Variants in GRIA4 observed in about 807,000 individuals in gnomAD.
GRIA4 encodes the protein glutamate ionotropic receptor AMPA type subunit 4, also known as glutamate receptor 4.
GRIA4 carries 34 observed loss-of-function variants against 104.0 expected under a neutral mutation model. The ratio of observed to expected loss-of-function variants is 0.33; its 90% CI spans 0.25 to 0.44. GRIA4 has a LOEUF of 0.44. Ranked by LOEUF, GRIA4 falls within the 20% of genes least tolerant of loss-of-function variation. GRIA4 has a pLI of 1.00. For synonymous variants in GRIA4, 386 were observed against 381.9 expected, an observed-to-expected ratio of 1.01 and a Z score of -0.13; for missense variants, 750 against 1,096.5, an observed-to-expected ratio of 0.68 and a Z score of 4.46.
chr11:105,814,004 A>G (rs1042972680), intron 4 of GRIA4, among the ~76,000 whole-genome samples: 1 of 152,164 alleles, frequency 6.6e-6, no homozygotes, highest in Admixed American at 6.5e-5. Context: ...GAACAACAAT[A>G]GCAACAACAA....
intron 4 of GRIA4, among the ~76,000 whole-genome samples, chr11:105,796,714 C>T (rs1460408674): frequency 6.6e-6 from 1 of 152,034 alleles, no homozygotes. Flanking sequence ...ATAAAGTGGC[C>T]CCTTAAGTAA....
At chr11:105,715,603 T>C (rs552589528) in intron 3 of GRIA4, among the ~76,000 whole-genome samples, 54 of 152,254 alleles carry the variant, frequency 3.5e-4, no homozygotes, top group Admixed American at 7.9e-4. Flanking sequence ...ATAGAATATA[T>C]TTGTGTATTA....
chr11:105,773,820 C>T (rs751237997), intron 4 of GRIA4, among the ~76,000 whole-genome samples: 6 of 147,844 alleles, frequency 4.1e-5, no homozygotes, highest in Admixed American at 6.8e-5. Flanking sequence ...AATCTATGGT[C>T]GATAACAAAT....
chr11:105,645,884 G>C lies in GRIA4; in HGVS notation c.247+33450G>C, dbSNP rs73636744. On this transcript the variant is annotated intron_variant, in intron 3 of 16. Transcript: ENST00000282499. ...ACAAGAAAGCTTATCTTGAACAAAAGTTCAATCTCTACATAGAAAGAGTTT... is the reference window on the plus strand; with the variant it reads ...ACAAGAAAGCTTATCTTGAACAAAACTTCAATCTCTACATAGAAAGAGTTT... Among the ~76,000 whole-genome samples the C allele has an allele frequency of 4.5e-3, 679 of 152,244 alleles. 6 individuals carry two copies. The highest frequency in any genetic ancestry group is 0.015 in the African/African-American group (644 of 41,558).
chr11:105,971,792 A>G lies in GRIA4; in HGVS notation c.2295-122A>G, dbSNP rs1363320588. The G allele has an allele frequency of 5.6e-5, 34 of 603,718 alleles. No homozygotes were observed. In the East Asian group the frequency reaches 1.1e-3, roughly 19 times the overall value. The allele number at this position is 603,718 out of a possible 1,614,324, so 37.4% of individuals were successfully genotyped here. ...CTGATTCTAAACCTGGGCCTACAGT[A>G]CAAGACATAGCACCTACTGTGGCCT... is the stretch of plus-strand genomic sequence containing the variant. On this transcript the variant is annotated intron_variant, in intron 14 of 16. Coordinates refer to ENST00000282499, the MANE Select transcript of GRIA4 (RefSeq NM_000829.4).
At chr11:105,762,226 G>A (rs1400946379) in intron 4 of GRIA4, among the ~76,000 whole-genome samples, 1 of 152,082 alleles carries the variant, frequency 6.6e-6, no homozygotes, top group Non-Finnish European at 1.5e-5. Flanking sequence ...GTTTCACCAT[G>A]TTGGCCAGGC....
intron 3 of GRIA4, among the ~76,000 whole-genome samples, chr11:105,663,781 A>G (rs971779284): frequency 1.3e-5 from 2 of 151,934 alleles, no homozygotes; most frequent in Non-Finnish European, 2.9e-5. Context: ...CGAAGATGAC[A>G]CTGAAGTCAA....
At position 105,981,161 on chromosome 11, in the gene GRIA4, T is replaced by C. The variant is rs941703275; in HGVS notation, c.*1422T>C. On this transcript the variant is annotated 3_prime_UTR_variant, in exon 17 of 17. Coordinates refer to ENST00000282499, the MANE Select transcript of GRIA4 (RefSeq NM_000829.4). ...ATGTTTATTTATAAAAATCACCTTA[T>C]GTATGAATTAAACTAACATGGTTCA... 6.6e-6 allele frequency: 1 copy of C among 152,654 alleles called. No individual in the cohort carries two copies. 9.5% of individuals were successfully genotyped at this position (152,654 alleles called of 1,614,324 possible).
intron 14 of GRIA4, among the ~76,000 whole-genome samples, chr11:105,967,584 C>T (rs1330145666): frequency 1.3e-5 from 2 of 151,700 alleles, no homozygotes; most frequent in East Asian, 1.9e-4. Flanking sequence ...TTAGAATGAA[C>T]GCTATTTCAA....
At chr11:105,848,680 T>G (rs906438721) in intron 4 of GRIA4, among the ~76,000 whole-genome samples, 16 of 152,132 alleles carry the variant, frequency 1.1e-4, no homozygotes, top group Non-Finnish European at 2.1e-4. Flanking sequence ...AAAAAAGTGC[T>G]TAATAATGCA....
At chr11:105,928,274 A>G (rs1052960750) in intron 13 of GRIA4, among the ~76,000 whole-genome samples, 3 of 152,028 alleles carry the variant, frequency 2.0e-5, no homozygotes, top group Non-Finnish European at 4.4e-5. Flanking sequence ...ACAATGAACA[A>G]TGTACTTGTC....
chr11:105,840,687 A>G (rs1004444153), intron 4 of GRIA4, among the ~76,000 whole-genome samples: 1 of 152,230 alleles, frequency 6.6e-6, no homozygotes, highest in African/African-American at 2.4e-5. Context: ...AAACAATTTC[A>G]GAATTCCCTC....
intron 3 of GRIA4, among the ~76,000 whole-genome samples, chr11:105,749,088 CAA>C (rs1272865527): frequency 6.6e-6 from 1 of 152,024 alleles, no homozygotes; most frequent in Non-Finnish European, 1.5e-5. Context: ...TAAGAAACGC[CAA>C]GAGAGAGCAT....
chr11:105,635,093 A>C (rs1951169490), intron 3 of GRIA4, among the ~76,000 whole-genome samples: 1 of 152,182 alleles, frequency 6.6e-6, no homozygotes, highest in Admixed American at 6.5e-5. Context: ...TTGACAGTTA[A>C]AACTACAACT....
intron 6 of GRIA4, among the ~76,000 whole-genome samples, chr11:105,893,237 A>G (rs1369109825): frequency 6.6e-6 from 1 of 152,052 alleles, no homozygotes; most frequent in Non-Finnish European, 1.5e-5. Context: ...CTTCCTGACT[A>G]TGGAGTGAAT....
chr11:105,880,027 C>A (rs1945990352), intron 5 of GRIA4, among the ~76,000 whole-genome samples: 1 of 151,914 alleles, frequency 6.6e-6, no homozygotes, highest in Non-Finnish European at 1.5e-5. Context: ...AAGGAATTAC[C>A]CCTTCCACCC....
intron 3 of GRIA4, among the ~76,000 whole-genome samples, chr11:105,621,044 T>C (rs1950731707): frequency 6.6e-6 from 1 of 151,720 alleles, no homozygotes; most frequent in Non-Finnish European, 1.5e-5. Flanking sequence ...ATATTGTCAA[T>C]AAAAAGTTTA....
chr11:105,853,212 A>G (rs1026920215), intron 4 of GRIA4, among the ~76,000 whole-genome samples: 6 of 152,176 alleles, frequency 3.9e-5, no homozygotes, highest in Admixed American at 6.5e-5. Context: ...ATTTGTTTTT[A>G]TGAACCAAAA....
chr11:105,672,530 A>G (rs1332006457), intron 3 of GRIA4, among the ~76,000 whole-genome samples: 1 of 152,184 alleles, frequency 6.6e-6, no homozygotes, highest in Non-Finnish European at 1.5e-5. Flanking sequence ...GATAATGTTA[A>G]AAATCTGTCT....
Sources: gnomAD v4.1 joint callset for allele counts (sites outside exome capture counted in the v4.1 genomes callset) on GRCh38, gnomAD v4.1.1 for gene constraint, MANE v1.5 for transcripts, NCBI Gene and HGNC (gene_info 2026-07-23, HGNC 2026-07-21) for gene names.